Variants in ELAC1 observed in about 807,000 individuals in gnomAD.
ELAC1 encodes the protein zinc phosphodiesterase ELAC protein 1.
A neutral mutation model predicts 25.8 loss-of-function variants in ELAC1; 19 were observed. The ratio of observed to expected loss-of-function variants is 0.74; its 90% CI spans 0.51 to 1.08. The LOEUF (loss-of-function observed/expected upper bound fraction) is 1.08, where lower values mean the gene tolerates loss of function less well. Among genes scored for constraint, ELAC1 ranks in the 50% least tolerant of loss-of-function variants. ELAC1 has a pLI of 0.00. For missense variants in ELAC1, 403 were observed against 434.6 expected, an observed-to-expected ratio of 0.93 and a Z score of 0.65; for synonymous variants, 148 against 160.9, an observed-to-expected ratio of 0.92 and a Z score of 0.61.
intron 1 of ELAC1, among the ~76,000 whole-genome samples, chr18:50,971,984 T>A (rs1907670961): frequency 1.4e-5 from 2 of 147,102 alleles, no homozygotes; most frequent in Non-Finnish European, 3.0e-5. Context: ...TTTTGTATTT[T>A]GAATGCATTT....
chr18:50,984,351 T>A lies in ELAC1; in HGVS notation c.413T>A (p.Phe138Tyr). 6.2e-7 allele frequency: 1 copy of A among 1,614,166 alleles called. No individual in the cohort carries two copies. The highest frequency in any genetic ancestry group is 8.5e-7 in the Non-Finnish European group (1 of 1,180,026). Reference protein sequence around the residue: ...DQCPAEELKEFAHVNRADSPP... With the variant: ...DQCPAEELKEYAHVNRADSPP... ...TGTCCTGCAGAAGAACTAAAAGAAT[T>A]TGCGCATGTGAATAGAGCAGACAGT... The change falls in exon 3 of 4, where the codon TTT becomes TAT. Residue 138 changes from phenylalanine to tyrosine, a missense_variant. Transcript: ENST00000269466.
intron 3 of ELAC1, among the ~76,000 whole-genome samples, chr18:50,985,753 G>C (rs1264138000): frequency 6.6e-6 from 1 of 152,168 alleles, no homozygotes; most frequent in Non-Finnish European, 1.5e-5. Context: ...CTTTAAACAT[G>C]ATCTGTGTTG....
chr18:50,981,963 C>T (rs1382772036), intron 2 of ELAC1, among the ~76,000 whole-genome samples: 1 of 151,868 alleles, frequency 6.6e-6, no homozygotes, highest in East Asian at 1.9e-4. Flanking sequence ...TCTCCTGCCT[C>T]AGCCACCTGA....
At chr18:50,982,918 GA>G (rs1368126402) in intron 2 of ELAC1, among the ~76,000 whole-genome samples, 3 of 151,912 alleles carry the variant, frequency 2.0e-5, no homozygotes, top group Non-Finnish European at 4.4e-5. Context: ...AGCAGGCCGT[GA>G]CTTGATTGGT....
intron 1 of ELAC1, 84 bp from the exon 2 acceptor site, chr18:50,974,313 A>C: frequency 7.8e-7 from 1 of 1,287,986 alleles, no homozygotes; most frequent in Non-Finnish European, 1.0e-6. Flanking sequence ...AATAACCAAA[A>C]AGTAATAATA....
chr18:50,984,147 GC>G lies in ELAC1; in HGVS notation c.211del (p.Leu71PhefsTer27). 1 of 1,613,130 alleles carries G rather than the reference GC, an allele frequency of 6.2e-7. No individual in the cohort carries two copies. The highest frequency in any genetic ancestry group is 1.1e-5 in the South Asian group (1 of 90,850). On this transcript the variant is annotated frameshift_variant, in exon 3 of 4. Coordinates refer to ENST00000269466, the MANE Select transcript of ELAC1 (RefSeq NM_018696.3). LOFTEE classifies it high-confidence loss of function. ...ITHLHGDHFF[G>X]LPGLLCTISL... is the part of the protein sequence containing the mutation. ...CACCTTCATGGAGACCATTTCTTTG[GC>G]CTTCCTGGGCTCCTCTGCACAATCA...
intron 1 of ELAC1, among the ~76,000 whole-genome samples, chr18:50,970,200 C>A (rs931889074): frequency 1.3e-5 from 2 of 152,154 alleles, no homozygotes; most frequent in Non-Finnish European, 2.9e-5. Context: ...AGCCATCCTG[C>A]CACCTCAGCC....
intron 2 of ELAC1, 113 bp downstream of exon 2, chr18:50,974,674 A>G: frequency 1.0e-6 from 1 of 981,788 alleles, no homozygotes; most frequent in Non-Finnish European, 1.6e-6. Context: ...ATCCCACTTC[A>G]GTGCTACACC....
chr18:50,983,979 C>A, intron 2 of ELAC1, 117 bp from the exon 3 acceptor site: 3 of 607,918 alleles, frequency 4.9e-6, no homozygotes, highest in Non-Finnish European at 8.0e-6. Flanking sequence ...ATAAGTAGAA[C>A]TTTTAAATTC....
At chr18:50,968,284 C>T (rs1444384174) in intron 1 of ELAC1, 170 bp downstream of exon 1, 1 of 152,106 alleles carries the variant, frequency 6.6e-6, no homozygotes, top group Non-Finnish European at 1.5e-5. Flanking sequence ...GAGCCTCGGC[C>T]GCCCGGCGCC....
chr18:50,979,447 C>T (rs1290718964), intron 2 of ELAC1, among the ~76,000 whole-genome samples: 1 of 152,154 alleles, frequency 6.6e-6, no homozygotes, highest in Non-Finnish European at 1.5e-5. Context: ...GAGTTCTCTG[C>T]ATTGTAGGTT....
chr18:50,976,260 C>G (rs973919233), intron 2 of ELAC1, among the ~76,000 whole-genome samples: 3 of 152,024 alleles, frequency 2.0e-5, no homozygotes, highest in Non-Finnish European at 4.4e-5. Context: ...GAGACCAGTT[C>G]CAAGGCAATT....
At chr18:50,971,549 A>G (rs1294241832) in intron 1 of ELAC1, among the ~76,000 whole-genome samples, 1 of 151,946 alleles carries the variant, frequency 6.6e-6, no homozygotes, top group African/African-American at 2.4e-5. Context: ...CTCCATGTCC[A>G]GCTGATTTTT....
chr18:50,974,429 G>C lies in ELAC1; in HGVS notation c.25G>C (p.Gly9Arg). The C allele has an allele frequency of 6.4e-7, 1 of 1,553,850 alleles. No individual in the cohort carries two copies. The highest frequency in any genetic ancestry group is 8.7e-7 in the Non-Finnish European group (1 of 1,151,998). Residue 9 changes from glycine to arginine, a missense_variant, in exon 2 of 4, where the codon GGG (glycine) becomes CGG (arginine). By Grantham distance (125) the Gly-to-Arg change is moderately radical (BLOSUM62 -2). Transcript: ENST00000269466. MSMDVTFL[G>R]TGAAYPSPTR... Reference sequence around the variant, plus strand: ...GATGTCTATGGATGTGACATTCCTGGGGACGGGTGCAGCATACCCATCTCC... The same window carrying C: ...GATGTCTATGGATGTGACATTCCTGCGGACGGGTGCAGCATACCCATCTCC...
chr18:50,987,808 T>G lies in ELAC1; in HGVS notation c.*723T>G, dbSNP rs1364339416. On this transcript the variant is annotated 3_prime_UTR_variant, in exon 4 of 4. Coordinates refer to ENST00000269466, the MANE Select transcript of ELAC1 (RefSeq NM_018696.3). ...GGGATGTTAGCTGTCCTGCAAAGTTTTGGTCAGTCATATACAATAAAGAAT... is the reference window on the plus strand; with the variant it reads ...GGGATGTTAGCTGTCCTGCAAAGTTGTGGTCAGTCATATACAATAAAGAAT... The G allele has an allele frequency of 6.6e-6, 1 of 152,178 alleles. No homozygotes were observed. Among genetic ancestry groups the G allele is most frequent in the Non-Finnish European group, 1.5e-5 (1 of 68,044 alleles). 9.4% of individuals were successfully genotyped at this position (152,178 alleles called of 1,614,324 possible).
At chr18:50,980,034 T>C (rs1275472957) in intron 2 of ELAC1, among the ~76,000 whole-genome samples, 1 of 152,130 alleles carries the variant, frequency 6.6e-6, no homozygotes, top group Non-Finnish European at 1.5e-5. Flanking sequence ...CCAGTCTATA[T>C]AGGATTTAAA....
chr18:50,973,962 T>A (rs1907728465), intron 1 of ELAC1, among the ~76,000 whole-genome samples: 1 of 152,256 alleles, frequency 6.6e-6, no homozygotes, highest in Admixed American at 6.5e-5. Flanking sequence ...TGTGTACAGT[T>A]GACCAATGTA....
At chr18:50,980,452 A>G (rs1381173633) in intron 2 of ELAC1, among the ~76,000 whole-genome samples, 1 of 151,920 alleles carries the variant, frequency 6.6e-6, no homozygotes, top group Non-Finnish European at 1.5e-5. Context: ...AGTTTACTAC[A>G]TTTCTATACG....
intron 2 of ELAC1, among the ~76,000 whole-genome samples, chr18:50,978,590 G>A (rs558690546): frequency 6.6e-6 from 1 of 152,276 alleles, no homozygotes; most frequent in Admixed American, 6.5e-5. Context: ...TAGGGATTAT[G>A]GGAGCTACAG....
Sources: gnomAD v4.1 joint callset for allele counts (sites outside exome capture counted in the v4.1 genomes callset) on GRCh38, gnomAD v4.1.1 for gene constraint, MANE v1.5 for transcripts, NCBI Gene and HGNC (gene_info 2026-07-23, HGNC 2026-07-21) for gene names.